The following PPP3CA variants were observed in gnomAD, a reference collection of about 807,000 sequenced individuals.
The protein encoded by PPP3CA is protein phosphatase 3 catalytic subunit alpha.
In PPP3CA, 14 loss-of-function variants were observed where a neutral mutation model predicts 66.5. The ratio of observed to expected loss-of-function variants is 0.21; its 90% CI spans 0.14 to 0.33. PPP3CA has a LOEUF of 0.33. Ranked by LOEUF, PPP3CA falls within the 10% of genes least tolerant of loss-of-function variation. PPP3CA has a pLI of 1.00. For missense variants in PPP3CA, 317 were observed against 639.5 expected, an observed-to-expected ratio of 0.50 and a Z score of 5.44; for synonymous variants, 232 against 226.2, an observed-to-expected ratio of 1.03 and a Z score of -0.23.
rs554354181 is a variant in PPP3CA, at chr4:101,211,915, T to C, written c.59-15799A>G. Among the ~76,000 whole-genome samples the C allele has an allele frequency of 2.0e-3, 298 of 152,250 alleles. 3 individuals are homozygous for C. Among genetic ancestry groups the C allele is most frequent in the Non-Finnish European group, 3.5e-3 (239 of 68,026 alleles). ...ATCTTCACATAATAGCCTTAATAGC[T>C]GTGTGTCCTTGAGAAAATTTTTAAG... On this transcript the variant is annotated intron_variant, in intron 1 of 13. Transcript: ENST00000394854.
chr4:101,093,266 C>T (rs892262204), intron 6 of PPP3CA, among the ~76,000 whole-genome samples: 1 of 152,044 alleles, frequency 6.6e-6, no homozygotes, highest in Non-Finnish European at 1.5e-5. Context: ...GAGAAAGAAA[C>T]TACCACCCTG....
At chr4:101,342,485 T>C (rs993070125) in intron 1 of PPP3CA, among the ~76,000 whole-genome samples, 4 of 152,184 alleles carry the variant, frequency 2.6e-5, no homozygotes, top group Non-Finnish European at 5.9e-5. Context: ...TGAATTTGCA[T>C]ACTGTTCACT....
intron 10 of PPP3CA, among the ~76,000 whole-genome samples, chr4:101,051,165 T>C (rs1359228690): frequency 6.6e-6 from 1 of 152,170 alleles, no homozygotes; most frequent in Non-Finnish European, 1.5e-5. Flanking sequence ...GGACAGCTTT[T>C]ATATCTTCTC....
intron 11 of PPP3CA, among the ~76,000 whole-genome samples, chr4:101,036,438 G>C (rs1727253333): frequency 6.7e-6 from 1 of 149,290 alleles, no homozygotes; most frequent in Non-Finnish European, 1.5e-5. Flanking sequence ...TTGAGATGGA[G>C]TCTTGCTCTG....
chr4:101,317,253 A>AACACACACACACACACACACACACAC (rs3840161), intron 1 of PPP3CA, among the ~76,000 whole-genome samples: 25 of 145,308 alleles, frequency 1.7e-4, no homozygotes, highest in African/African-American at 6.5e-4. Flanking sequence ...CGGTACTCCC[A>AACACACACACACACACACACACACAC]ACACACACAC....
At position 101,345,810 on chromosome 4, in the gene PPP3CA, G is replaced by C. The variant is rs532923084; in HGVS notation, c.58+929C>G. On this transcript the variant is annotated intron_variant, in intron 1 of 13. Coordinates refer to ENST00000394854, the MANE Select transcript of PPP3CA (RefSeq NM_000944.5). The stretch of plus-strand genomic sequence containing the variant: ...AGTTTATCATCCCGTAGGCGGCGAA[G>C]AGGAGGCAATAATAGGAATCCAACA... Among the ~76,000 whole-genome samples the C allele has an allele frequency of 6.6e-5, 10 of 152,288 alleles. No homozygotes were observed. The South Asian group carries it at 2.1e-3, about 32-fold the overall frequency.
At chr4:101,281,059 G>A (rs867469029) in intron 1 of PPP3CA, among the ~76,000 whole-genome samples, 4 of 152,078 alleles carry the variant, frequency 2.6e-5, no homozygotes, top group South Asian at 2.1e-4. Context: ...AATGTGTTCC[G>A]GGAGAGACAG....
intron 8 of PPP3CA, among the ~76,000 whole-genome samples, chr4:101,074,953 G>A (rs1729118674): frequency 6.6e-6 from 1 of 152,146 alleles, no homozygotes. Flanking sequence ...ACATGGCTAG[G>A]GAGGCCTCAC....
intron 1 of PPP3CA, among the ~76,000 whole-genome samples, chr4:101,204,508 C>T (rs1328637083): frequency 2.0e-5 from 3 of 151,698 alleles, no homozygotes; most frequent in African/African-American, 4.8e-5. Context: ...TGGTGGCAGG[C>T]GCCTGTAGTC....
chr4:101,246,751 T>G lies in PPP3CA; in HGVS notation c.59-50635A>C, dbSNP rs148467222. On this transcript the variant is annotated intron_variant, in intron 1 of 13. Transcript: ENST00000394854. ...TGTGTATATATGCATATATATGATATATATTCACATCTCCTTCTATATATA... is the reference window on the plus strand; with the variant it reads ...TGTGTATATATGCATATATATGATAGATATTCACATCTCCTTCTATATATA... Among the ~76,000 whole-genome samples the G allele has an allele frequency of 3.2e-3, 492 of 152,264 alleles. 4 individuals are homozygous for G. Among genetic ancestry groups the G allele is most frequent in the Middle Eastern group, 0.02 (6 of 294 alleles).
intron 8 of PPP3CA, among the ~76,000 whole-genome samples, chr4:101,065,520 T>G (rs2110228183): frequency 6.6e-6 from 1 of 152,220 alleles, no homozygotes; most frequent in South Asian, 2.1e-4. Context: ...ACAACAAATC[T>G]GAGAAGCAGG....
At chr4:101,111,918 T>C (rs1353594343) in intron 2 of PPP3CA, among the ~76,000 whole-genome samples, 1 of 152,164 alleles carries the variant, frequency 6.6e-6, no homozygotes, top group East Asian at 1.9e-4. Flanking sequence ...ACTCCGGTGC[T>C]TGGAGGTGGG....
chr4:101,272,022 A>C (rs1429122520), intron 1 of PPP3CA, among the ~76,000 whole-genome samples: 1 of 152,118 alleles, frequency 6.6e-6, no homozygotes, highest in Non-Finnish European at 1.5e-5. Context: ...GGAATAATGA[A>C]ATTTTCTTTA....
intron 1 of PPP3CA, among the ~76,000 whole-genome samples, chr4:101,338,002 G>A: frequency 6.6e-6 from 1 of 152,140 alleles, no homozygotes; most frequent in East Asian, 1.9e-4. Context: ...TTTAATCTCT[G>A]TTCTAATTCC....
At chr4:101,096,808 C>T (rs1730215483) in intron 5 of PPP3CA, among the ~76,000 whole-genome samples, 2 of 152,148 alleles carry the variant, frequency 1.3e-5, no homozygotes, top group Admixed American at 6.5e-5. Flanking sequence ...AAAATATTTG[C>T]TTTCCTTCTC....
chr4:101,235,231 T>C (rs940206834), intron 1 of PPP3CA, among the ~76,000 whole-genome samples: 1 of 151,802 alleles, frequency 6.6e-6, no homozygotes, highest in African/African-American at 2.4e-5. Flanking sequence ...TCTAATTCAT[T>C]TTAGGTATGG....
chr4:101,054,478 C>T (rs10026319), intron 10 of PPP3CA, among the ~76,000 whole-genome samples: 9,662 of 151,968 alleles, frequency 0.064, 353 homozygotes, highest in African/African-American at 0.093. Flanking sequence ...ATTACTAGTG[C>T]CAAACGCTTT....
At chr4:101,209,413 A>C (rs1725234526) in intron 1 of PPP3CA, among the ~76,000 whole-genome samples, 1 of 152,142 alleles carries the variant, frequency 6.6e-6, no homozygotes, top group Non-Finnish European at 1.5e-5. Context: ...TGATAAACAA[A>C]ACAAACAATA....
At chr4:101,261,425 A>C (rs1416817279) in intron 1 of PPP3CA, among the ~76,000 whole-genome samples, 1 of 152,112 alleles carries the variant, frequency 6.6e-6, no homozygotes, top group Admixed American at 6.6e-5. Context: ...TTTACTCTTT[A>C]GTATTTGTAA....
Sources: gnomAD v4.1 joint callset for allele counts (sites outside exome capture counted in the v4.1 genomes callset) on GRCh38, gnomAD v4.1.1 for gene constraint, MANE v1.5 for transcripts, NCBI Gene and HGNC (gene_info 2026-07-23, HGNC 2026-07-21) for gene names.